Variants in ZNF267 observed in about 807,000 individuals in gnomAD.
ZNF267 encodes the protein zinc finger (C2H2).
ZNF267 carries 61 observed loss-of-function variants against 71.6 expected under a neutral mutation model. The observed-to-expected ratio is 0.85, with a 90% confidence interval of 0.69 to 1.05. The LOEUF (loss-of-function observed/expected upper bound fraction) is 1.05. Ranked by LOEUF, ZNF267 falls within the 50% of genes least tolerant of loss-of-function variation. ZNF267 has a pLI of 0.00. For synonymous variants in ZNF267, 288 were observed against 293.2 expected (o/e 0.98, Z 0.18); for missense variants, 852 against 870.0 (o/e 0.98, Z 0.26).
chr16:31,899,673 G>T (rs1487290690), intron 3 of ZNF267, among the ~76,000 whole-genome samples: 1 of 152,082 alleles, frequency 6.6e-6, no homozygotes, highest in Non-Finnish European at 1.5e-5. Flanking sequence ...AAAGGAAAAT[G>T]TGAGAGATGT....
At position 31,917,256 on chromosome 16, in the gene ZNF267, T is replaced by G. The variant is rs1039884972; in HGVS notation, c.*775T>G. On this transcript the variant is annotated 3_prime_UTR_variant, in exon 4 of 4. Coordinates refer to ENST00000300870, the MANE Select transcript of ZNF267 (RefSeq NM_003414.6). ...TGCCAAATGTAAAACACATGAAAAT[T>G]TTTAAAAATATGCTCTTTGTGTTTG... 6.6e-6 allele frequency: 1 copy of G among 152,180 alleles called. No homozygotes were observed. Among genetic ancestry groups the G allele is most frequent in the Non-Finnish European group, 1.5e-5 (1 of 68,034 alleles). 9.4% of individuals were successfully genotyped at this position (152,180 alleles called of 1,614,324 possible). A position where few individuals can be genotyped will look rare whatever the true frequency, so the allele number is the denominator to read the frequency against.
chr16:31,874,015 G>A, intron 1 of ZNF267, 46 bp downstream of exon 1: 1 of 1,598,688 alleles, frequency 6.3e-7, no homozygotes, highest in Non-Finnish European at 8.6e-7. Context: ...GAGGGCGGTG[G>A]TCGGAAGCGG....
At position 31,884,576 on chromosome 16, in the gene ZNF267, T is replaced by C; in HGVS notation, c.82T>C (p.Leu28=). The C allele has an allele frequency of 6.2e-7, 1 of 1,614,124 alleles. No individual in the cohort carries two copies. Among genetic ancestry groups the C allele is most frequent in the Non-Finnish European group, 8.5e-7 (1 of 1,179,992 alleles). The change falls in exon 2 of 4, where the codon TTG becomes CTG. Residue 28 remains leucine (L), a synonymous_variant. Transcript: ENST00000300870. The stretch of plus-strand genomic sequence containing the variant: ...ACACCTGGAACCAGCTCAGAAGAAT[T>C]TGTATCAGGATGTGATGTTAGAAAA... ...WEHLEPAQKN[L]YQDVMLENYR...
Position 31,884,589 on chromosome 16 carries a change from T to G in ZNF267, c.95T>G (p.Val32Gly). ...GCTCAGAAGAATTTGTATCAGGATG[T>G]GATGTTAGAAAACTACAGAAACCTG... ...EPAQKNLYQD[V>G]MLENYRNLVS... Residue 32 changes from valine (V) to glycine (G), a missense_variant, in exon 2 of 4, where the codon GTG becomes GGG. By Grantham distance (109) the Val-to-Gly change is moderately radical (BLOSUM62 -3). Transcript: ENST00000300870. 1 of 1,614,118 alleles carries G rather than the reference T, an allele frequency of 6.2e-7. No individual in the cohort carries two copies. The highest frequency in any genetic ancestry group is 8.5e-7 in the Non-Finnish European group (1 of 1,179,986).
At position 31,916,444 on chromosome 16, in the gene ZNF267, T is replaced by C. The variant is rs755697731; in HGVS notation, c.2195T>C (p.Ile732Thr). The C allele has an allele frequency of 1.6e-4, 256 of 1,613,586 alleles. No homozygotes were observed. Among genetic ancestry groups the C allele is most frequent in the Non-Finnish European group, 2.1e-4 (248 of 1,179,854 alleles). Reference sequence around the variant, plus strand: ...GCCTTTAACTCTAGGTCATACCTCATTGCACATCAGAGAAGTCATACTAGA... The same window carrying C: ...GCCTTTAACTCTAGGTCATACCTCACTGCACATCAGAGAAGTCATACTAGA... ...GKAFNSRSYL[I>T]AHQRSHTREK... Residue 732 changes from isoleucine to threonine, a missense_variant, in exon 4 of 4, where the codon ATT (isoleucine) becomes ACT (threonine). Physicochemically the swap from Ile to Thr is moderately conservative, Grantham distance 89. Transcript: ENST00000300870.
At chr16:31,893,966 T>G (rs1419282350) in intron 3 of ZNF267, among the ~76,000 whole-genome samples, 2 of 152,224 alleles carry the variant, frequency 1.3e-5, no homozygotes, top group East Asian at 3.8e-4. Context: ...TCTTGGCAGA[T>G]GGTCCTAGTG....
intron 3 of ZNF267, among the ~76,000 whole-genome samples, chr16:31,893,551 T>G (rs2083975894): frequency 1.3e-5 from 2 of 152,244 alleles, no homozygotes; most frequent in Admixed American, 1.3e-4. Context: ...GCTTCCCTTA[T>G]AAAACTGAAT....
chr16:31,883,385 T>C (rs2083903013), intron 1 of ZNF267, among the ~76,000 whole-genome samples: 1 of 152,196 alleles, frequency 6.6e-6, no homozygotes, highest in Non-Finnish European at 1.5e-5. Flanking sequence ...TATCTTACTT[T>C]TAGTGTGTAT....
At chr16:31,890,052 T>C (rs2083949674) in intron 3 of ZNF267, among the ~76,000 whole-genome samples, 1 of 152,236 alleles carries the variant, frequency 6.6e-6, no homozygotes, top group Non-Finnish European at 1.5e-5. Flanking sequence ...TAACATATGA[T>C]CTATCCTGGA....
rs1222419778 is a variant in ZNF267, at chr16:31,884,597, G to C, written c.103G>C (p.Glu35Gln). The C allele has an allele frequency of 6.2e-7, 1 of 1,614,120 alleles. No homozygotes were observed. The highest frequency in any genetic ancestry group is 8.5e-7 in the Non-Finnish European group (1 of 1,179,980). ...GAATTTGTATCAGGATGTGATGTTA[G>C]AAAACTACAGAAACCTGGTCTCTCT... The part of the protein sequence containing the change: ...QKNLYQDVML[E>Q]NYRNLVSLGL... The change falls in exon 2 of 4, where the codon GAA (glutamate) becomes CAA (glutamine). Residue 35 changes from glutamate (E) to glutamine (Q), a missense_variant. Physicochemically the swap from Glu to Gln is conservative, Grantham distance 29 (BLOSUM62 2). Transcript: ENST00000300870.
chr16:31,913,360 G>A (rs1208800859), intron 3 of ZNF267: 1 of 152,300 alleles, frequency 6.6e-6, no homozygotes, highest in Non-Finnish European at 1.5e-5. Context: ...GATGACATAA[G>A]CTTCCCTGTT....
chr16:31,892,419 G>A (rs975962359), intron 3 of ZNF267, among the ~76,000 whole-genome samples: 5 of 152,030 alleles, frequency 3.3e-5, no homozygotes, highest in Admixed American at 6.6e-5. Flanking sequence ...ATATCATTCC[G>A]CCCCTGGCCT....
In ZNF267 at chr16:31,915,764, T is replaced by A. The variant is rs755025685; in HGVS notation, c.1515T>A (p.Ser505=). 1.1e-5 allele frequency: 17 copies of A among 1,612,780 alleles called. No individual in the cohort carries two copies. The highest frequency in any genetic ancestry group is 1.4e-5 in the Non-Finnish European group (17 of 1,179,816). The change falls in exon 4 of 4, where the codon TCT becomes TCA. Residue 505 remains serine (S), a synonymous_variant. Transcript: ENST00000300870. ...KECGKVFSRS[S]CLTQHRKIHT... is the part of the protein sequence containing the mutation. ...GTGGCAAAGTCTTTAGCCGTAGTTC[T>A]TGCCTTACTCAACATCGGAAAATTC... is the stretch of plus-strand genomic sequence containing the variant.
At chr16:31,905,756 T>G (rs1413450824) in intron 3 of ZNF267, among the ~76,000 whole-genome samples, 2 of 152,188 alleles carry the variant, frequency 1.3e-5, no homozygotes, top group African/African-American at 4.8e-5. Context: ...TCAGAGTAGT[T>G]TGATTGTCTG....
chr16:31,888,616 A>G (rs921365876), intron 3 of ZNF267, among the ~76,000 whole-genome samples: 9 of 152,068 alleles, frequency 5.9e-5, no homozygotes, highest in African/African-American at 1.9e-4. Context: ...ATTGTGGTAT[A>G]TCATTTAAAT....
intron 3 of ZNF267, among the ~76,000 whole-genome samples, chr16:31,903,646 T>C (rs2084061159): frequency 6.6e-6 from 1 of 152,172 alleles, no homozygotes; most frequent in African/African-American, 2.4e-5. Context: ...CCCTTTGTCA[T>C]TTTTTATTGC....
At chr16:31,907,612 A>C (rs1596628773) in intron 3 of ZNF267, among the ~76,000 whole-genome samples, 1 of 152,154 alleles carries the variant, frequency 6.6e-6, no homozygotes, top group Non-Finnish European at 1.5e-5. Context: ...TTTTTAATAT[A>C]AATATTTTAG....
chr16:31,916,195 C>T lies in ZNF267; in HGVS notation c.1946C>T (p.Thr649Ile), dbSNP rs1275959296. Residue 649 changes from threonine (T) to isoleucine (I), a missense_variant, in exon 4 of 4, where the codon ACA becomes ATA. Thr to Ile is a moderately conservative substitution (Grantham distance 89, BLOSUM62 -1). Transcript: ENST00000300870. Reference sequence around the variant, plus strand: ...TTCAACTATAGGTCATACCTCACTACACATCAGAGAAGTCATACTGGAGAG... The same window carrying T: ...TTCAACTATAGGTCATACCTCACTATACATCAGAGAAGTCATACTGGAGAG... ...KAFNYRSYLT[T>I]HQRSHTGERP... 1 of 1,613,542 alleles carries T rather than the reference C, an allele frequency of 6.2e-7. No homozygotes were observed. The highest frequency in any genetic ancestry group is 8.5e-7 in the Non-Finnish European group (1 of 1,179,880).
chr16:31,880,400 A>G (rs2083881683), intron 1 of ZNF267, among the ~76,000 whole-genome samples: 1 of 152,192 alleles, frequency 6.6e-6, no homozygotes, highest in South Asian at 2.1e-4. Context: ...GAGCTGTGTT[A>G]CTGGAGTAGG....
Sources: allele counts gnomAD v4.1 joint callset (sites outside exome capture counted in the v4.1 genomes callset), GRCh38; gene constraint gnomAD v4.1.1; transcripts MANE v1.5; gene names NCBI Gene and HGNC (gene_info 2026-07-23, HGNC 2026-07-21).